The following LTBP1 variants were observed in gnomAD, a reference collection of about 807,000 sequenced individuals.
The protein encoded by LTBP1 is latent transforming growth factor beta binding protein 1, also known as latent-transforming growth factor beta-binding protein 1.
A neutral mutation model predicts 207.6 loss-of-function variants in LTBP1; 129 were observed. The observed-to-expected ratio is 0.62, with a 90% CI of 0.54 to 0.72. LTBP1 has a LOEUF of 0.72. LTBP1 is among the 30% of genes least tolerant of loss of function. The probability of loss-of-function intolerance (pLI) is 0.00; values close to 1 mark genes in which losing one functional copy is unlikely to be tolerated. For synonymous variants in LTBP1, 963 were observed against 833.7 expected (o/e 1.16, Z -2.67); for missense variants, 2,281 against 2,217.2 (o/e 1.03, Z -0.58).
rs80088509 is a variant in LTBP1, at chr2:33,167,361, C to CAAA, written c.1202-19482_1202-19480dup. Among the ~76,000 whole-genome samples the CAAA allele has an allele frequency of 2.1e-3, 232 of 112,900 alleles. 2 individuals carry two copies. The highest frequency in any genetic ancestry group is 7.4e-3 in the African/African-American group (223 of 30,082). The allele number at this position is 112,900 out of a possible 152,430, so 74.1% of individuals were successfully genotyped here. On this transcript the variant is annotated intron_variant, in intron 5 of 33. Transcript: ENST00000404816. ...TTCATAAAAGCCTCATTTGTACATT[C>CAAA]AAAAAAAAAAAAAAACCAAACATAT...
chr2:33,295,673 C>G (rs2093860878), intron 20 of LTBP1, among the ~76,000 whole-genome samples: 1 of 152,052 alleles, frequency 6.6e-6, no homozygotes, highest in Non-Finnish European at 1.5e-5. Flanking sequence ...ATGGCCAAAT[C>G]TGTGGATTTT....
intron 7 of LTBP1, among the ~76,000 whole-genome samples, chr2:33,203,849 G>A (rs758066718): frequency 8.5e-5 from 13 of 152,160 alleles, no homozygotes; most frequent in Admixed American, 6.5e-4. Context: ...AGATTTTATG[G>A]TCACTGTGTT....
chr2:33,238,801 A>G (rs772795135), intron 9 of LTBP1, among the ~76,000 whole-genome samples: 22 of 152,234 alleles, frequency 1.4e-4, no homozygotes, highest in Non-Finnish European at 2.9e-4. Context: ...AGTTCCAGTG[A>G]GATACGGTGT....
At chr2:33,261,743 A>G (rs765824647) in intron 13 of LTBP1, among the ~76,000 whole-genome samples, 9 of 152,212 alleles carry the variant, frequency 5.9e-5, no homozygotes, top group Non-Finnish European at 1.3e-4. Flanking sequence ...TCTGTGGGAT[A>G]TCTAAATGGA....
At chr2:33,150,016 A>G (rs2083383164) in intron 5 of LTBP1, among the ~76,000 whole-genome samples, 2 of 152,340 alleles carry the variant, frequency 1.3e-5, no homozygotes, top group East Asian at 3.9e-4. Context: ...TCAAGCATTA[A>G]AAGTCTGACA....
At chr2:33,165,550 C>G (rs1255902582) in intron 5 of LTBP1, among the ~76,000 whole-genome samples, 2 of 152,194 alleles carry the variant, frequency 1.3e-5, no homozygotes, top group Non-Finnish European at 2.9e-5. Context: ...CACTGAATTG[C>G]TCAAGGTTAT....
intron 5 of LTBP1, among the ~76,000 whole-genome samples, chr2:33,142,145 G>A (rs75142939): frequency 0.032 from 4,905 of 152,096 alleles, 125 homozygotes; most frequent in Middle Eastern, 0.14. Flanking sequence ...TCCGCCTCCC[G>A]GGTTCACGCC....
At chr2:33,358,166 T>A (rs991294117) in intron 26 of LTBP1, among the ~76,000 whole-genome samples, 9 of 152,164 alleles carry the variant, frequency 5.9e-5, no homozygotes, top group Non-Finnish European at 1.0e-4. Flanking sequence ...TAACCCTCAG[T>A]TTCAGCTGTA....
At chr2:33,072,259 T>A (rs2077827984) in intron 3 of LTBP1, among the ~76,000 whole-genome samples, 1 of 152,194 alleles carries the variant, frequency 6.6e-6, no homozygotes, top group South Asian at 2.1e-4. Flanking sequence ...GGCGCAGATC[T>A]TCCATGTCCT....
intron 3 of LTBP1, among the ~76,000 whole-genome samples, chr2:33,055,010 T>C (rs564496046): frequency 6.4e-4 from 97 of 152,192 alleles, no homozygotes; most frequent in Non-Finnish European, 7.9e-4. Context: ...CCCCACCAGA[T>C]GATTGGCCTG....
At chr2:33,344,215 A>G (rs1237818771) in intron 25 of LTBP1, among the ~76,000 whole-genome samples, 1 of 152,258 alleles carries the variant, frequency 6.6e-6, no homozygotes, top group Non-Finnish European at 1.5e-5. Flanking sequence ...AGTCAAAAAC[A>G]TAGATAATTA....
At chr2:33,357,636 C>T (rs538951560) in intron 26 of LTBP1, among the ~76,000 whole-genome samples, 73 of 152,150 alleles carry the variant, frequency 4.8e-4, no homozygotes, top group Non-Finnish European at 8.4e-4. Flanking sequence ...TGTCCAAAAC[C>T]GAACTTTCTT....
intron 5 of LTBP1, among the ~76,000 whole-genome samples, chr2:33,143,207 C>T (rs1261596717): frequency 6.6e-6 from 1 of 152,150 alleles, no homozygotes; most frequent in East Asian, 1.9e-4. Context: ...TTTCAAGACT[C>T]AGCCAAGTGA....
chr2:33,198,230 G>C (rs2149026571), intron 7 of LTBP1, among the ~76,000 whole-genome samples: 1 of 152,284 alleles, frequency 6.6e-6, no homozygotes, highest in East Asian at 1.9e-4. Context: ...AACCAGCCTT[G>C]CATCCCAGGG....
intron 3 of LTBP1, among the ~76,000 whole-genome samples, chr2:33,062,204 A>C (rs2077298844): frequency 7.7e-6 from 1 of 130,160 alleles, no homozygotes; most frequent in African/African-American, 2.6e-5. Flanking sequence ...CCTGGATATC[A>C]ATCTTTTATC....
intron 3 of LTBP1, among the ~76,000 whole-genome samples, chr2:33,108,270 C>T (rs769638835): frequency 3.1e-4 from 46 of 150,142 alleles, no homozygotes; most frequent in African/African-American, 9.9e-4. Context: ...TACCTGTGCA[C>T]GCACCTCATG....
chr2:33,328,135 C>CAATA (rs535099037), intron 24 of LTBP1, among the ~76,000 whole-genome samples: 6,311 of 134,154 alleles, frequency 0.047, 184 homozygotes, highest in East Asian at 0.096. Context: ...GACTCTGTCT[C>CAATA]AATAAATAAA....
intron 5 of LTBP1, among the ~76,000 whole-genome samples, chr2:33,181,085 G>A (rs1010727170): frequency 2.0e-5 from 3 of 152,170 alleles, no homozygotes; most frequent in Non-Finnish European, 4.4e-5. Flanking sequence ...AACTTGAAAT[G>A]GTCTGTCTGC....
At chr2:33,219,828 T>C (rs2090980205) in intron 8 of LTBP1, among the ~76,000 whole-genome samples, 1 of 152,196 alleles carries the variant, frequency 6.6e-6, no homozygotes, top group South Asian at 2.1e-4. Flanking sequence ...GTGATAGACA[T>C]TAAAGGTAAA....
Sources: gnomAD v4.1 joint callset for allele counts (sites outside exome capture counted in the v4.1 genomes callset) on GRCh38, gnomAD v4.1.1 for gene constraint, MANE v1.5 for transcripts, NCBI Gene and HGNC (gene_info 2026-07-23, HGNC 2026-07-21) for gene names.